Variants in LAG3 observed in about 807,000 individuals in gnomAD.
The protein encoded by LAG3 is lymphocyte activation gene 3 protein.
A neutral mutation model predicts 49.0 loss-of-function variants in LAG3; 29 were observed. The observed-to-expected ratio is 0.59, with a 90% CI of 0.44 to 0.81. The LOEUF (loss-of-function observed/expected upper bound fraction) is 0.81, where lower values mean the gene tolerates loss of function less well. Ranked by LOEUF, LAG3 falls within the 30% of genes least tolerant of loss-of-function variation. The probability of loss-of-function intolerance (pLI) is 0.00; values close to 1 mark genes in which losing one functional copy is unlikely to be tolerated. For synonymous variants in LAG3, 320 were observed against 297.3 expected, an observed-to-expected ratio of 1.08 and a Z score of -0.79; for missense variants, 693 against 695.2, an observed-to-expected ratio of 1.00 and a Z score of 0.04.
chr12:6,775,245 T>C (rs374208534), intron 4 of LAG3, 28 bp from the exon 5 acceptor site: 2 of 1,601,898 alleles, frequency 1.2e-6, no homozygotes, highest in South Asian at 2.2e-5. Context: ...GCACCCAGCT[T>C]TAACTTTGGG....
Position 6,774,015 on chromosome 12 carries a change from G to A in LAG3, c.511+14G>A. On this transcript the variant is annotated intron_variant, in intron 3 of 7. Transcript: ENST00000203629. ...GCCAGGCCTCGAGTATGTGGGGCGGGACGATGGGAGAAGGGCTGGGAGGTG... is the reference window on the plus strand; with the variant it reads ...GCCAGGCCTCGAGTATGTGGGGCGGAACGATGGGAGAAGGGCTGGGAGGTG... The A allele has an allele frequency of 2.1e-6, 3 of 1,401,706 alleles. No homozygotes were observed. Among genetic ancestry groups the A allele is most frequent in the East Asian group, 3.0e-5 (1 of 33,166 alleles). 86.8% of individuals were successfully genotyped at this position (1,401,706 alleles called of 1,614,324 possible).
Position 6,773,684 on chromosome 12 carries a change from CT to C in LAG3, c.207-10del. 1 of 1,359,516 alleles carries C rather than the reference CT, an allele frequency of 7.4e-7. No homozygotes were observed. The highest frequency in any genetic ancestry group is 2.0e-5 in the South Asian group (1 of 49,898). The allele number at this position is 1,359,516 out of a possible 1,614,324, so 84.2% of individuals were successfully genotyped here. ...CCCTGGAGCTTCTCAACTCCATTCT[CT>C]TTCCCGCCCAGTGGCCCGCCCGCTG... is the stretch of plus-strand genomic sequence containing the variant. On this transcript the variant is annotated splice_polypyrimidine_tract_variant and intron_variant, in intron 2 of 7. Transcript: ENST00000203629. This position sits in a 1 kb window ranked among gnomAD's most constrained non-coding sequence, Gnocchi z 5.5.
chr12:6,772,758 A>G lies in LAG3; in HGVS notation c.-95A>G. 1 of 973,704 alleles carries G rather than the reference A, an allele frequency of 1.0e-6. No homozygotes were observed. The highest frequency in any genetic ancestry group is 1.4e-5 in the South Asian group (1 of 70,530). 60.3% of individuals were successfully genotyped at this position (973,704 alleles called of 1,614,324 possible). A position where few individuals can be genotyped will look rare whatever the true frequency, so the allele number is the denominator to read the frequency against. Reference sequence around the variant, plus strand: ...CCCCTTCCTCCACCTCCCTCTCTGCAGAACTTCTCCTTTACCCCCCACCCC... The same window carrying G: ...CCCCTTCCTCCACCTCCCTCTCTGCGGAACTTCTCCTTTACCCCCCACCCC... On this transcript the variant is annotated 5_prime_UTR_variant, in exon 1 of 8. Coordinates refer to ENST00000203629, the MANE Select transcript of LAG3 (RefSeq NM_002286.6).
At chr12:6,774,490 G>A in intron 3 of LAG3, 105 bp from the exon 4 acceptor site, 4 of 1,320,458 alleles carry the variant, frequency 3.0e-6, no homozygotes, top group Non-Finnish European at 4.2e-6. Context: ...GAGAAGACAA[G>A]TCTAAAGCCA....
rs532923310 is a variant in LAG3, at chr12:6,777,327, T to C, written c.1121T>C (p.Val374Ala). 12 of 1,614,060 alleles carry C rather than the reference T, an allele frequency of 7.4e-6. No homozygotes were observed. Among genetic ancestry groups the C allele is most frequent in the African/African-American group, 5.3e-5 (4 of 74,934 alleles). The change falls in exon 6 of 8, where the codon GTA becomes GCA. Residue 374 changes from valine (V) to alanine (A), a missense_variant. Physicochemically the swap from Val to Ala is moderately conservative, Grantham distance 64. Transcript: ENST00000203629. ...AAGCTGCTTTGTGAGGTGACTCCAG[T>C]ATCTGGACAAGAACGCTTTGTGTGG... ...LGKLLCEVTP[V>A]SGQERFVWSS...
At chr12:6,777,574 C>T in intron 6 of LAG3, 68 bp downstream of exon 6, 1 of 1,549,442 alleles carries the variant, frequency 6.5e-7, no homozygotes, top group South Asian at 1.2e-5. Context: ...TCCAGAACAG[C>T]CCCTGCCACC....
At position 6,778,245 on chromosome 12, in the gene LAG3, G is replaced by A. The variant is rs377724263; in HGVS notation, c.1433G>A (p.Trp478Ter). ...CTCTCTCTCCATCTCTTCTCACAGT[G>A]GCGACCAAGACGATTTTCTGCCTTA... ...AFGFHLWRRQ[W>*]RPRRFSALEQ... Residue 478 changes from tryptophan to a stop codon, truncating the protein, a stop_gained and splice_region_variant, in exon 8 of 8, where the codon TGG (tryptophan) becomes TAG (stop). Coordinates refer to ENST00000203629, the MANE Select transcript of LAG3 (RefSeq NM_002286.6). LOFTEE classifies it low-confidence loss of function (END_TRUNC). 3.2e-6 allele frequency: 5 copies of A among 1,581,926 alleles called. No homozygotes were observed. The highest frequency in any genetic ancestry group is 4.3e-6 in the Non-Finnish European group (5 of 1,164,088).
At chr12:6,775,687 C>A in intron 5 of LAG3, 139 bp downstream of exon 5, 1 of 761,644 alleles carries the variant, frequency 1.3e-6, no homozygotes, top group Non-Finnish European at 2.1e-6. Context: ...CTGCCCATCT[C>A]GGCCCCCACT....
Position 6,773,267 on chromosome 12 carries a change from G to A in LAG3, c.134G>A (p.Ser45Asn). 1 of 1,613,460 alleles carries A rather than the reference G, an allele frequency of 6.2e-7. No individual in the cohort carries two copies. ...GGGGCTCCTGCCCAGCTCCCCTGCA[G>A]CCCCACAATCCCCCTCCAGGATCTC... ...QEGAPAQLPC[S>N]PTIPLQDLSL... is the part of the protein sequence containing the mutation. Residue 45 changes from serine (S) to asparagine (N), a missense_variant, in exon 2 of 8, where the codon AGC (serine) becomes AAC (asparagine). Ser to Asn is a conservative substitution (Grantham distance 46). Coordinates refer to ENST00000203629, the MANE Select transcript of LAG3 (RefSeq NM_002286.6). This position sits in a 1 kb window ranked among gnomAD's most constrained non-coding sequence, Gnocchi z 5.5.
At chr12:6,777,583 C>T in intron 6 of LAG3, 77 bp downstream of exon 6, 2 of 1,539,192 alleles carry the variant, frequency 1.3e-6, no homozygotes, top group Non-Finnish European at 1.8e-6. Context: ...GCCCCTGCCA[C>T]CCCCATCCCA....
At position 6,774,176 on chromosome 12, in the gene LAG3, C is replaced by T. The variant is rs549317121; in HGVS notation, c.511+175C>T. ...TGGAGTGGAAGGTGCCCCCGAAGCA[C>T]GTGTATGGGGGGCCCTGTGGAGAGA... On this transcript the variant is annotated intron_variant, in intron 3 of 7. Transcript: ENST00000203629. Among the ~76,000 whole-genome samples the T allele has an allele frequency of 1.8e-4, 27 of 149,408 alleles. No homozygotes were observed. The East Asian group carries it at 4.4e-3, about 25-fold the overall frequency.
rs1200457849 is a variant in LAG3 at position 6,778,307 on chromosome 12, A to G, written c.1495A>G (p.Ile499Val). Reference protein sequence around the residue: ...GIHPPQAQSKIEELEQEPEPE... With the variant: ...GIHPPQAQSKVEELEQEPEPE... The stretch of plus-strand genomic sequence containing the variant: ...TCACCCTCCGCAGGCTCAGAGCAAG[A>G]TAGAGGAGCTGGAGCAAGAACCGGA... The change falls in exon 8 of 8, where the codon ATA (isoleucine) becomes GTA (valine). Residue 499 changes from isoleucine to valine, a missense_variant. By Grantham distance (29) the Ile-to-Val change is conservative (BLOSUM62 3). Coordinates refer to ENST00000203629, the MANE Select transcript of LAG3 (RefSeq NM_002286.6). 4 of 1,613,622 alleles carry G rather than the reference A, an allele frequency of 2.5e-6. No individual in the cohort carries two copies. Among genetic ancestry groups the G allele is most frequent in the Admixed American group, 1.7e-5 (1 of 59,988 alleles).
chr12:6,774,314 G>T (rs1882546), intron 3 of LAG3, among the ~76,000 whole-genome samples: 4 of 152,158 alleles, frequency 2.6e-5, no homozygotes, highest in Non-Finnish European at 5.9e-5. Flanking sequence ...TGTAGCTCAG[G>T]GGGTGGGCTT....
At chr12:6,775,220 T>C (rs1211326026) in intron 4 of LAG3, 53 bp from the exon 5 acceptor site, 3 of 1,567,552 alleles carry the variant, frequency 1.9e-6, no homozygotes, top group South Asian at 2.4e-5. Context: ...GCCCCAGCAC[T>C]CCCTCCCCAC....
Position 6,772,664 on chromosome 12 carries a change from A to G in LAG3, c.-189A>G. 1.5e-5 allele frequency: 6 copies of G among 410,430 alleles called. No individual in the cohort carries two copies. Among genetic ancestry groups the G allele is most frequent in the South Asian group, 7.8e-5 (2 of 25,502 alleles). The allele number at this position is 410,430 out of a possible 1,614,324, so 25.4% of individuals were successfully genotyped here. ...GCCCAGCTTTCCAGCTTTCCTCTGGATTCCGGCCTCTGGTCATCCCTCCCC... is the reference window on the plus strand; with the variant it reads ...GCCCAGCTTTCCAGCTTTCCTCTGGGTTCCGGCCTCTGGTCATCCCTCCCC... On this transcript the variant is annotated 5_prime_UTR_variant, in exon 1 of 8. Coordinates refer to ENST00000203629, the MANE Select transcript of LAG3 (RefSeq NM_002286.6).
intron 5 of LAG3, among the ~76,000 whole-genome samples, chr12:6,776,812 T>C (rs952372875): frequency 1.3e-5 from 2 of 152,106 alleles, no homozygotes; most frequent in Admixed American, 1.3e-4. Context: ...AGCATTTGAG[T>C]AGAAAGTAAT....
intron 4 of LAG3, among the ~76,000 whole-genome samples, 177 bp downstream of exon 4, chr12:6,775,041 C>T (rs561206194): frequency 1.7e-4 from 26 of 152,298 alleles, no homozygotes; most frequent in Admixed American, 7.2e-4. Flanking sequence ...GCCATCACCC[C>T]TTCTTGCTTC....
Position 6,772,790 on chromosome 12 carries a change from C to CCG in LAG3, c.-63_-62insCG. On this transcript the variant is annotated 5_prime_UTR_variant, in exon 1 of 8. Transcript: ENST00000203629. The stretch of plus-strand genomic sequence containing the variant: ...CTCCTTTACCCCCCACCCCCCACCA[C>CCG]TGCCCCCTTTCCTTTTCTGACCTCC... 1 of 1,235,158 alleles carries CCG rather than the reference C, an allele frequency of 8.1e-7. No individual in the cohort carries two copies. The highest frequency in any genetic ancestry group is 1.2e-6 in the Non-Finnish European group (1 of 869,310). The allele number at this position is 1,235,158 out of a possible 1,614,324, so 76.5% of individuals were successfully genotyped here.
chr12:6,774,188 G>A (rs568913115), intron 3 of LAG3, among the ~76,000 whole-genome samples, 187 bp downstream of exon 3: 1 of 152,230 alleles, frequency 6.6e-6, no homozygotes, highest in Non-Finnish European at 1.5e-5. Flanking sequence ...TGTATGGGGG[G>A]CCCTGTGGAG....
Sources: allele counts gnomAD v4.1 joint callset (sites outside exome capture counted in the v4.1 genomes callset), GRCh38; gene constraint gnomAD v4.1.1; non-coding constraint Gnocchi (gnomAD v3.1); transcripts MANE v1.5; gene names NCBI Gene and HGNC (gene_info 2026-07-23, HGNC 2026-07-21).